Variants in BCAS1 observed in about 807,000 individuals in gnomAD.
BCAS1 encodes the protein brain enriched myelin associated protein 1, also known as breast carcinoma-amplified sequence 1.
A neutral mutation model predicts 65.4 loss-of-function variants in BCAS1; 46 were observed. The ratio of observed to expected loss-of-function variants is 0.70; its 90% CI spans 0.55 to 0.90. The LOEUF is 0.90. Ranked by LOEUF, BCAS1 falls within the 40% of genes least tolerant of loss-of-function variation. The pLI is 0.00. For missense variants in BCAS1, 793 were observed against 771.2 expected (o/e 1.03, Z -0.33); for synonymous variants, 298 against 293.5 (o/e 1.02, Z -0.16).
chr20:53,996,715 T>C (rs2090925089), intron 4 of BCAS1, among the ~76,000 whole-genome samples: 1 of 152,228 alleles, frequency 6.6e-6, no homozygotes, highest in East Asian at 1.9e-4. Context: ...GCCTTGTCTC[T>C]GGTTGGGCTC....
In BCAS1 at chr20:54,058,662, T is replaced by C. The variant is rs1169672715; in HGVS notation, c.57A>G (p.Glu19=). ...ACTACACTACCTGGTAAGTCTCTGCTTCTGGTTCATTCTCTTGGTCTTCAA... is the reference window on the plus strand; with the variant it reads ...ACTACACTACCTGGTAAGTCTCTGCCTCTGGTTCATTCTCTTGGTCTTCAA... ...QRVEDQENEP[E]AETYQDNASA... Residue 19 remains glutamate (E), a synonymous_variant, in exon 2 of 13, where the codon GAA becomes GAG. Coordinates refer to ENST00000688948, the MANE Select transcript of BCAS1 (RefSeq NM_001366298.2). 1 of 1,608,320 alleles carries C rather than the reference T, an allele frequency of 6.2e-7. No individual in the cohort carries two copies. The highest frequency in any genetic ancestry group is 1.7e-5 in the Admixed American group (1 of 59,784).
At position 54,035,589 on chromosome 20, in the gene BCAS1, G is replaced by A. The variant is rs146994638; in HGVS notation, c.143-6617C>T. Among the ~76,000 whole-genome samples the A allele has an allele frequency of 2.6e-3, 393 of 151,158 alleles. 7 individuals are homozygous for A. The highest frequency in any genetic ancestry group is 9.3e-3 in the African/African-American group (385 of 41,396). ...GGTGAGGTAGTGGAGAGAAAGGAAT[G>A]CTTATACACTGTTGGTGGGAGTGTA... is the stretch of plus-strand genomic sequence containing the variant. On this transcript the variant is annotated intron_variant, in intron 3 of 12. Coordinates refer to ENST00000688948, the MANE Select transcript of BCAS1 (RefSeq NM_001366298.2).
At chr20:54,017,888 C>T (rs756784531) in intron 4 of BCAS1, among the ~76,000 whole-genome samples, 15 of 152,026 alleles carry the variant, frequency 9.9e-5, no homozygotes, top group African/African-American at 2.9e-4. Context: ...CCCAATGTTA[C>T]GGAAAACAAA....
At chr20:54,021,092 T>C (rs1054778066) in intron 4 of BCAS1, among the ~76,000 whole-genome samples, 3 of 152,202 alleles carry the variant, frequency 2.0e-5, no homozygotes, top group Non-Finnish European at 2.9e-5. Flanking sequence ...CTGTGGCATG[T>C]CCTCTTTGCT....
chr20:54,029,217 T>G, intron 3 of BCAS1: 1 of 985,344 alleles, frequency 1.0e-6, no homozygotes, highest in Non-Finnish European at 1.2e-6. Context: ...AGCTGCCAGG[T>G]GTGGAATGAG....
intron 6 of BCAS1, among the ~76,000 whole-genome samples, chr20:53,993,700 T>C (rs2090824863): frequency 6.6e-6 from 1 of 152,152 alleles, no homozygotes; most frequent in Non-Finnish European, 1.5e-5. Flanking sequence ...ACGCAAGACA[T>C]AGAACCAAAA....
At chr20:54,052,927 T>C (rs2092242210) in intron 3 of BCAS1, among the ~76,000 whole-genome samples, 1 of 152,244 alleles carries the variant, frequency 6.6e-6, no homozygotes, top group Admixed American at 6.5e-5. Context: ...GATATTTTGC[T>C]CTAATAATTC....
chr20:53,978,474 G>A (rs1203057160), intron 8 of BCAS1, among the ~76,000 whole-genome samples: 1 of 152,144 alleles, frequency 6.6e-6, no homozygotes, highest in East Asian at 1.9e-4. Context: ...AAAACATGCA[G>A]TAAGTTCTAA....
intron 3 of BCAS1, among the ~76,000 whole-genome samples, chr20:54,037,273 A>G (rs1010757725): frequency 2.6e-5 from 4 of 151,428 alleles, no homozygotes; most frequent in South Asian, 2.1e-4. Flanking sequence ...GGCAGCAGAA[A>G]GAAGTGCCAA....
At chr20:53,989,941 A>T (rs1471460984) in intron 7 of BCAS1, among the ~76,000 whole-genome samples, 1 of 152,214 alleles carries the variant, frequency 6.6e-6, no homozygotes, top group Non-Finnish European at 1.5e-5. Context: ...TGTTTATCAA[A>T]AATTTGAATT....
At chr20:54,055,295 A>G (rs553332109) in intron 3 of BCAS1, among the ~76,000 whole-genome samples, 1 of 152,348 alleles carries the variant, frequency 6.6e-6, no homozygotes, top group South Asian at 2.1e-4. Context: ...CACTGCTGAT[A>G]AAGACATATC....
chr20:54,040,139 T>C lies in BCAS1; in HGVS notation c.143-11167A>G, dbSNP rs568871131. On this transcript the variant is annotated intron_variant, in intron 3 of 12. Coordinates refer to ENST00000688948, the MANE Select transcript of BCAS1 (RefSeq NM_001366298.2). Reference sequence around the variant, plus strand: ...TCCACTATAGTGGAATAAACTTTCGTGTTCAAAAATCCTAAACTGGTGCTA... The same window carrying C: ...TCCACTATAGTGGAATAAACTTTCGCGTTCAAAAATCCTAAACTGGTGCTA... 3.3e-5 allele frequency among the ~76,000 whole-genome samples: 5 copies of C among 151,594 alleles called. No individual in the cohort carries two copies. The East Asian group carries it at 9.6e-4, about 29-fold the overall frequency.
intron 4 of BCAS1, among the ~76,000 whole-genome samples, chr20:54,006,959 G>A (rs1837448896): frequency 6.6e-6 from 1 of 152,166 alleles, no homozygotes; most frequent in African/African-American, 2.4e-5. Flanking sequence ...CTCAGGTGGT[G>A]AGGGCTGCTA....
chr20:54,067,626 G>A (rs1195785363), intron 1 of BCAS1, among the ~76,000 whole-genome samples: 12 of 152,236 alleles, frequency 7.9e-5, no homozygotes, highest in African/African-American at 4.8e-5. Context: ...GGTCCATGTC[G>A]CCTCCTTGTA....
intron 9 of BCAS1, among the ~76,000 whole-genome samples, chr20:53,970,562 C>T (rs2090153750): frequency 6.6e-6 from 1 of 152,184 alleles, no homozygotes. Context: ...CATGAATGGA[C>T]ATAATTAAAG....
intron 11 of BCAS1, among the ~76,000 whole-genome samples, chr20:53,956,809 AAG>A (rs2089714889): frequency 3.9e-5 from 6 of 152,250 alleles, no homozygotes; most frequent in Admixed American, 3.9e-4. Context: ...AAATTAAAAA[AAG>A]AGTGCAGCTG....
chr20:54,003,448 G>T (rs187636841), intron 4 of BCAS1, among the ~76,000 whole-genome samples: 141 of 152,068 alleles, frequency 9.3e-4, no homozygotes, highest in Non-Finnish European at 1.6e-3. Flanking sequence ...CGTTTTTCTG[G>T]GTCAGGCCAC....
At chr20:53,991,730 G>A (rs2090765124) in intron 7 of BCAS1, among the ~76,000 whole-genome samples, 1 of 152,146 alleles carries the variant, frequency 6.6e-6, no homozygotes, top group Non-Finnish European at 1.5e-5. Flanking sequence ...TGTAAGCTTA[G>A]TTAATATTGG....
chr20:54,037,087 C>T (rs1360276168), intron 3 of BCAS1, among the ~76,000 whole-genome samples: 3 of 151,012 alleles, frequency 2.0e-5, no homozygotes, highest in East Asian at 1.9e-4. Flanking sequence ...AAAACTTTCA[C>T]TTGCTACAGC....
Sources: allele counts gnomAD v4.1 joint callset (sites outside exome capture counted in the v4.1 genomes callset), GRCh38; gene constraint gnomAD v4.1.1; transcripts MANE v1.5; gene names NCBI Gene and HGNC (gene_info 2026-07-23, HGNC 2026-07-21).